The following DIP2C variants were observed in gnomAD, a reference collection of about 807,000 sequenced individuals.
DIP2C encodes the protein disco-interacting protein 2 homolog C.
A neutral mutation model predicts 192.4 loss-of-function variants in DIP2C; 33 were observed. The ratio of observed to expected loss-of-function variants is 0.17; its 90% CI spans 0.13 to 0.23. The LOEUF (loss-of-function observed/expected upper bound fraction) is 0.23, where lower values mean the gene tolerates loss of function less well. Ranked by LOEUF, DIP2C falls within the 10% of genes least tolerant of loss-of-function variation. DIP2C has a pLI of 1.00. For missense variants in DIP2C, 1,537 were observed against 2,110.1 expected (o/e 0.73, Z 5.32); for synonymous variants, 979 against 864.1 (o/e 1.13, Z -2.33).
chr10:511,665 C>T (rs964022683), intron 1 of DIP2C, among the ~76,000 whole-genome samples: 3 of 152,088 alleles, frequency 2.0e-5, no homozygotes, highest in Admixed American at 6.5e-5. Flanking sequence ...CACCCCTCCA[C>T]GGGGTTCACA....
At chr10:463,442 T>C (rs925502052) in intron 3 of DIP2C, among the ~76,000 whole-genome samples, 2 of 152,128 alleles carry the variant, frequency 1.3e-5, no homozygotes, top group Non-Finnish European at 2.9e-5. Context: ...TTACAAGGGA[T>C]GTGAAGGACC....
intron 1 of DIP2C, among the ~76,000 whole-genome samples, chr10:617,173 C>G (rs996390554): frequency 1.7e-5 from 1 of 60,024 alleles, no homozygotes; most frequent in African/African-American, 3.0e-5. Flanking sequence ...TCCTGCCCCC[C>G]GCCCCTACTG....
intron 1 of DIP2C, among the ~76,000 whole-genome samples, chr10:659,684 C>A (rs1243646578): frequency 1.3e-5 from 2 of 152,166 alleles, no homozygotes; most frequent in Non-Finnish European, 2.9e-5. Flanking sequence ...TATATTTGAC[C>A]TCGGAATGAA....
intron 1 of DIP2C, among the ~76,000 whole-genome samples, chr10:519,891 C>A (rs11252919): frequency 0.18 from 23,817 of 132,844 alleles, 2,984 homozygotes; most frequent in African/African-American, 0.41. Flanking sequence ...CACAAGGCTG[C>A]ACACCCACAG....
Position 674,789 on chromosome 10 carries a change from T to TATATATATATATAGAGAG in DIP2C, c.85+14704_85+14705insCTCTCTATATATATATAT. Among the ~76,000 whole-genome samples the TATATATATATATAGAGAG allele has an allele frequency of 1.4e-3, 89 of 62,456 alleles. 2 individuals are homozygous for TATATATATATATAGAGAG. The highest frequency in any genetic ancestry group is 3.3e-3 in the East Asian group (6 of 1,820). 41.0% of individuals were successfully genotyped at this position (62,456 alleles called of 152,430 possible). ...CATCTCAAATATATATATATATATA[T>TATATATATATATAGAGAG]AGAGAGAGAGAGAGAGAGAGAGAGA... On this transcript the variant is annotated intron_variant, in intron 1 of 36. Transcript: ENST00000280886.
In DIP2C at chr10:440,977, G is replaced by T. The variant is rs763255766; in HGVS notation, c.288C>A (p.Val96=). The change falls in exon 4 of 37, where the codon GTC becomes GTA. Residue 96 remains valine, a synonymous_variant. Transcript: ENST00000280886. ...CTTTGTGTTTGGCCAGAGCCGCCTG[G>T]ACAGCTTCCGTGTGGACGTCTGAAA... ...RYRSDVHTEA[V]QAALAKHKER... 6 of 1,613,398 alleles carry T rather than the reference G, an allele frequency of 3.7e-6. No individual in the cohort carries two copies. Among genetic ancestry groups the T allele is most frequent in the Admixed American group, 1.7e-5 (1 of 60,026 alleles).
intron 1 of DIP2C, among the ~76,000 whole-genome samples, chr10:510,980 A>G (rs112360208): frequency 4.9e-4 from 74 of 152,332 alleles, no homozygotes; most frequent in Non-Finnish European, 6.6e-4. Flanking sequence ...TTTCTCCTGA[A>G]TATTGACCAC....
At position 285,416 on chromosome 10, in the gene DIP2C, G is replaced by A. The variant is rs762542141; in HGVS notation, c.4119+857C>T. Reference sequence around the variant, plus strand: ...TCATGGGACAGGACAGGTGATAAGGGGAGTGAGGGTGTCCTTGGCCAGACA... The same window carrying A: ...TCATGGGACAGGACAGGTGATAAGGAGAGTGAGGGTGTCCTTGGCCAGACA... On this transcript the variant is annotated intron_variant, in intron 34 of 36. Transcript: ENST00000280886. Among the ~76,000 whole-genome samples the A allele has an allele frequency of 1.3e-4, 20 of 152,188 alleles. 2 individuals are homozygous for A. In the South Asian group the frequency reaches 1.4e-3, roughly 11 times the overall value.
At chr10:475,646 G>GA (rs370765276) in intron 2 of DIP2C, among the ~76,000 whole-genome samples, 17 of 152,278 alleles carry the variant, frequency 1.1e-4, no homozygotes, top group African/African-American at 3.6e-4. Context: ...ACAAAAGTCT[G>GA]AAAACAAATG....
At chr10:512,922 G>GAAAAAAAAAAAAA (rs60269783) in intron 1 of DIP2C, among the ~76,000 whole-genome samples, 2 of 92,186 alleles carry the variant, frequency 2.2e-5, no homozygotes, top group East Asian at 6.2e-4. Flanking sequence ...CCCACTTCAG[G>GAAAAAAAAAAAAA]AAAAAAAAAA....
At position 563,887 on chromosome 10, in the gene DIP2C, T is replaced by A. The variant is rs1181937862; in HGVS notation, c.86-77357A>T. 2.6e-5 allele frequency among the ~76,000 whole-genome samples: 4 copies of A among 152,224 alleles called. No homozygotes were observed. The East Asian group carries it at 7.7e-4, about 29-fold the overall frequency. ...GCAAATGAGTGTGAGTCATTTTCCTTAGTTCTTAATGTGTCAAAAATCCCA... is the reference window on the plus strand; with the variant it reads ...GCAAATGAGTGTGAGTCATTTTCCTAAGTTCTTAATGTGTCAAAAATCCCA... On this transcript the variant is annotated intron_variant, in intron 1 of 36. Transcript: ENST00000280886.
chr10:570,347 A>C (rs1320657534), intron 1 of DIP2C, among the ~76,000 whole-genome samples: 1 of 152,184 alleles, frequency 6.6e-6, no homozygotes, highest in East Asian at 1.9e-4. Context: ...CTGCTGACAC[A>C]GGAGCAAGCC....
chr10:304,546 C>T (rs1259570251), intron 32 of DIP2C, among the ~76,000 whole-genome samples: 1 of 67,842 alleles, frequency 1.5e-5, no homozygotes, highest in East Asian at 4.6e-4. Context: ...TGTATGTATG[C>T]ACACGAATGC....
rs1383888291 is a variant in DIP2C, at chr10:310,112, G to A, written c.3925-20C>T. On this transcript the variant is annotated intron_variant, in intron 31 of 36. Coordinates refer to ENST00000280886, the MANE Select transcript of DIP2C (RefSeq NM_014974.3). Reference sequence around the variant, plus strand: ...GGTTCCCTGCAAGCAACAACAGAGTGGTTAACTCAAGTTTACATGGAGGGA... The same window carrying A: ...GGTTCCCTGCAAGCAACAACAGAGTAGTTAACTCAAGTTTACATGGAGGGA... The A allele has an allele frequency of 1.9e-6, 3 of 1,612,960 alleles. No individual in the cohort carries two copies. In the African/African-American group the frequency reaches 4.0e-5, roughly 22 times the overall value.
chr10:574,972 C>T (rs1156273789), intron 1 of DIP2C, among the ~76,000 whole-genome samples: 1 of 152,170 alleles, frequency 6.6e-6, no homozygotes, highest in Non-Finnish European at 1.5e-5. Flanking sequence ...CCACGAGTGA[C>T]TGCTCTGCCC....
chr10:603,097 T>C (rs1442133885), intron 1 of DIP2C, among the ~76,000 whole-genome samples: 1 of 152,108 alleles, frequency 6.6e-6, no homozygotes, highest in East Asian at 1.9e-4. Flanking sequence ...TGCTGGATTA[T>C]CATATGTAAG....
rs373257159 is a variant in DIP2C, at chr10:379,248, G to C, written c.1991+3399C>G. 9.5e-3 allele frequency among the ~76,000 whole-genome samples: 804 copies of C among 84,372 alleles called. 5 individuals carry two copies. Among genetic ancestry groups the C allele is most frequent in the Middle Eastern group, 0.027 (3 of 110 alleles). 55.4% of individuals were successfully genotyped at this position (84,372 alleles called of 152,430 possible). On this transcript the variant is annotated intron_variant, in intron 17 of 36. Transcript: ENST00000280886. The stretch of plus-strand genomic sequence containing the variant: ...TGCTGGCTTCTGTACGCCCTGCCCC[G>C]CTACCCCACCCCAACCCCTTCCCCA...
chr10:647,702 C>T (rs11253293), intron 1 of DIP2C, among the ~76,000 whole-genome samples: 10,159 of 148,422 alleles, frequency 0.068, 401 homozygotes, highest in African/African-American at 0.15. Context: ...ACTGAGCCCA[C>T]GTCCACACTG....
intron 1 of DIP2C, among the ~76,000 whole-genome samples, chr10:606,048 C>A (rs1385602075): frequency 6.6e-6 from 1 of 152,252 alleles, no homozygotes; most frequent in East Asian, 1.9e-4. Flanking sequence ...CTGTGCAAGT[C>A]TTCCTGGCGA....
Sources: allele counts gnomAD v4.1 joint callset (sites outside exome capture counted in the v4.1 genomes callset), GRCh38; gene constraint gnomAD v4.1.1; transcripts MANE v1.5; gene names NCBI Gene and HGNC (gene_info 2026-07-23, HGNC 2026-07-21).